FBXW7: variants seen among roughly 807,000 people sequenced by gnomAD.
The protein encoded by FBXW7 is F-box and WD repeat domain containing 7.
A neutral mutation model predicts 86.3 loss-of-function variants in FBXW7; 11 were observed. The observed-to-expected ratio is 0.13, with a 90% CI of 0.08 to 0.21. The LOEUF is 0.21. Among genes scored for constraint, FBXW7 ranks in the 10% least tolerant of loss-of-function variants. The pLI is 1.00. For synonymous variants in FBXW7, 313 were observed against 297.9 expected (o/e 1.05, Z -0.52); for missense variants, 488 against 847.4 (o/e 0.58, Z 5.27).
At chr4:152,406,807 T>C (rs892971668) in intron 4 of FBXW7, among the ~76,000 whole-genome samples, 3 of 152,214 alleles carry the variant, frequency 2.0e-5, no homozygotes, top group East Asian at 1.9e-4. Context: ...TGTACCTTTT[T>C]AAAAGAATTT....
In FBXW7 at chr4:152,411,372, C is replaced by T. The variant is rs1472074824; in HGVS notation, c.432G>A (p.Thr144=). 5 of 1,613,280 alleles carry T rather than the reference C, an allele frequency of 3.1e-6. No individual in the cohort carries two copies. The highest frequency in any genetic ancestry group is 1.6e-4 in the Middle Eastern group (1 of 6,076). Residue 144 remains threonine, a synonymous_variant, in exon 4 of 14, where the codon ACG becomes ACA. Transcript: ENST00000281708. ...GCAGGTCCACAATACTACTGGAGTT[C>T]GTGACACTGTTAGTATGTGTATGTT... The part of the protein sequence containing the change: ...EDEHTHTNSV[T]NSSSIVDLPV...
chr4:152,422,669 T>C (rs1276772919), intron 2 of FBXW7, among the ~76,000 whole-genome samples: 1 of 152,196 alleles, frequency 6.6e-6, no homozygotes, highest in Non-Finnish European at 1.5e-5. Context: ...TACCTTAGCA[T>C]ATTAAGAGAA....
At chr4:152,415,294 T>C (rs35915880) in intron 2 of FBXW7, among the ~76,000 whole-genome samples, 42 of 152,190 alleles carry the variant, frequency 2.8e-4, no homozygotes, top group Middle Eastern at 3.2e-3. Flanking sequence ...CTAAAGCCTC[T>C]GAATCACTAG....
chr4:152,433,033 G>A (rs951336708), intron 2 of FBXW7, among the ~76,000 whole-genome samples: 1 of 152,010 alleles, frequency 6.6e-6, no homozygotes, highest in Non-Finnish European at 1.5e-5. Context: ...TACTGTTTTT[G>A]ATATTCGTGT....
intron 4 of FBXW7, 27 bp from the exon 5 acceptor site, chr4:152,350,151 T>A (rs2126650351): frequency 7.0e-7 from 1 of 1,421,208 alleles, no homozygotes; most frequent in Non-Finnish European, 9.5e-7. Context: ...ACAAGATATG[T>A]TTTTTAAAAA....
At chr4:152,454,725 T>C (rs1171494731) in intron 2 of FBXW7, among the ~76,000 whole-genome samples, 1 of 151,808 alleles carries the variant, frequency 6.6e-6, no homozygotes, top group Admixed American at 6.6e-5. Flanking sequence ...ATATCCTCCT[T>C]CCAAAAAACA....
At chr4:152,455,226 G>T (rs1484527289) in intron 2 of FBXW7, among the ~76,000 whole-genome samples, 1 of 152,194 alleles carries the variant, frequency 6.6e-6, no homozygotes, top group African/African-American at 2.4e-5. Context: ...AACTGCAAAT[G>T]TATGTATAAA....
intron 2 of FBXW7, among the ~76,000 whole-genome samples, chr4:152,502,339 C>T (rs1239434145): frequency 2.6e-5 from 4 of 152,184 alleles, no homozygotes; most frequent in African/African-American, 9.6e-5. Flanking sequence ...TTATACTCCA[C>T]ATCTCAGGAT....
At chr4:152,426,910 T>G (rs1164681333) in intron 2 of FBXW7, among the ~76,000 whole-genome samples, 1 of 152,078 alleles carries the variant, frequency 6.6e-6, no homozygotes. Context: ...AGTCAAGAAA[T>G]CTCAGAAAAC....
At chr4:152,340,090 T>C (rs2126600363) in intron 6 of FBXW7, among the ~76,000 whole-genome samples, 1 of 152,196 alleles carries the variant, frequency 6.6e-6, no homozygotes. Context: ...TCCATATATT[T>C]AAGAAAAAGT....
intron 4 of FBXW7, among the ~76,000 whole-genome samples, chr4:152,379,186 T>TTACC (rs1234604242): frequency 3.5e-4 from 53 of 152,246 alleles, no homozygotes; most frequent in South Asian, 4.1e-4. Context: ...ATTTAAGAAA[T>TTACC]ATAACATTAC....
intron 2 of FBXW7, among the ~76,000 whole-genome samples, chr4:152,442,623 T>C (rs1040183822): frequency 3.9e-5 from 6 of 152,240 alleles, no homozygotes; most frequent in East Asian, 1.9e-4. Context: ...AGTACACATG[T>C]ACTGACCAGA....
chr4:152,479,195 G>T (rs1435586468), intron 2 of FBXW7, among the ~76,000 whole-genome samples: 1 of 151,964 alleles, frequency 6.6e-6, no homozygotes, highest in African/African-American at 2.4e-5. Context: ...AGATGCAAAT[G>T]ACAAATATTT....
chr4:152,382,130 A>G, intron 4 of FBXW7: 1 of 1,281,300 alleles, frequency 7.8e-7, no homozygotes, highest in Non-Finnish European at 1.1e-6. Context: ...TTTCACTAAA[A>G]GAGGCCAAGG....
At chr4:152,435,576 A>G (rs1422414480) in intron 2 of FBXW7, among the ~76,000 whole-genome samples, 1 of 152,244 alleles carries the variant, frequency 6.6e-6, no homozygotes, top group Non-Finnish European at 1.5e-5. Context: ...GGTTGTATCT[A>G]CAACTCACAC....
chr4:152,399,482 A>G (rs1736717121), intron 4 of FBXW7, among the ~76,000 whole-genome samples: 1 of 152,206 alleles, frequency 6.6e-6, no homozygotes, highest in African/African-American at 2.4e-5. Flanking sequence ...CACAAAGACA[A>G]GAAAAGGAAG....
chr4:152,455,724 C>T (rs377157534), intron 2 of FBXW7, among the ~76,000 whole-genome samples: 1 of 152,132 alleles, frequency 6.6e-6, no homozygotes, highest in Admixed American at 6.5e-5. Context: ...TAAAGCAACA[C>T]AAATTTATTA....
intron 4 of FBXW7, among the ~76,000 whole-genome samples, chr4:152,404,129 G>A (rs1187550164): frequency 6.6e-6 from 1 of 152,078 alleles, no homozygotes; most frequent in East Asian, 1.9e-4. Context: ...TGGGGGGTTG[G>A]GAATAGGGGA....
intron 2 of FBXW7, among the ~76,000 whole-genome samples, chr4:152,463,236 G>A (rs566907891): frequency 3.8e-4 from 58 of 151,508 alleles, no homozygotes; most frequent in Non-Finnish European, 6.3e-4. Context: ...GCAGTGAGCC[G>A]ACACATCACA....
Sources: allele counts gnomAD v4.1 joint callset (sites outside exome capture counted in the v4.1 genomes callset), GRCh38; gene constraint gnomAD v4.1.1; transcripts MANE v1.5; gene names NCBI Gene and HGNC (gene_info 2026-07-23, HGNC 2026-07-21).